MCOLN3: variants seen among roughly 807,000 people sequenced by gnomAD.
MCOLN3 encodes the protein mucolipin-3.
Under a neutral mutation model 69.4 loss-of-function variants are expected in MCOLN3, and 62 were observed. The ratio of observed to expected loss-of-function variants is 0.89; its 90% CI spans 0.73 to 1.10. The LOEUF is 1.10. MCOLN3 is among the 50% of genes least tolerant of loss of function. MCOLN3 has a pLI of 0.00. For missense variants in MCOLN3, 564 were observed against 656.4 expected, an observed-to-expected ratio of 0.86 and a Z score of 1.54; for synonymous variants, 183 against 217.0, an observed-to-expected ratio of 0.84 and a Z score of 1.38.
intron 3 of MCOLN3, among the ~76,000 whole-genome samples, chr1:85,037,130 T>G (rs1342028715): frequency 6.6e-6 from 1 of 152,224 alleles, no homozygotes; most frequent in Non-Finnish European, 1.5e-5. Context: ...CACCAAGCTT[T>G]CTGTTAGCAT....
chr1:85,022,724 G>A, intron 9 of MCOLN3: 4 of 201,300 alleles, frequency 2.0e-5, no homozygotes, highest in Non-Finnish European at 3.0e-5. Context: ...AGGGAGGGAG[G>A]GAGAAGTCAT....
At chr1:85,022,253 CTT>C in intron 10 of MCOLN3, 44 bp downstream of exon 10, 1 of 1,613,804 alleles carries the variant, frequency 6.2e-7, no homozygotes. Flanking sequence ...AGTGCAATAA[CTT>C]TGAGAGAAAT....
At chr1:85,019,758 G>T (rs1162536449) in intron 12 of MCOLN3, among the ~76,000 whole-genome samples, 1 of 152,174 alleles carries the variant, frequency 6.6e-6, no homozygotes, top group Non-Finnish European at 1.5e-5. Context: ...GGACTCTCTC[G>T]AGTTGGCCCA....
At chr1:85,020,737 G>A (rs1441355832) in intron 12 of MCOLN3, among the ~76,000 whole-genome samples, 2 of 152,134 alleles carry the variant, frequency 1.3e-5, no homozygotes, top group Non-Finnish European at 2.9e-5. Flanking sequence ...TTTCTGAAAT[G>A]CCATATGTTT....
intron 3 of MCOLN3, among the ~76,000 whole-genome samples, chr1:85,040,153 A>T (rs971737822): frequency 3.9e-5 from 6 of 152,154 alleles, no homozygotes; most frequent in African/African-American, 1.4e-4. Context: ...TGAACAGTTT[A>T]TGTAACTTAT....
At chr1:85,036,172 A>G (rs1652793462) in intron 3 of MCOLN3, among the ~76,000 whole-genome samples, 1 of 152,130 alleles carries the variant, frequency 6.6e-6, no homozygotes, top group Non-Finnish European at 1.5e-5. Flanking sequence ...AAAGTGCCTG[A>G]TACATAATAG....
chr1:85,022,121 G>A lies in MCOLN3; in HGVS notation c.1269C>T (p.Tyr423=), dbSNP rs1442550516. Residue 423 remains tyrosine, a synonymous_variant, in exon 11 of 13, where the codon TAC becomes TAT. Coordinates refer to ENST00000370589, the MANE Select transcript of MCOLN3 (RefSeq NM_018298.11). The part of the protein sequence containing the change: ...IRFCCCAAMI[Y]LGYCFCGWIV... ...TCCATCCACAGAAGCAGTAACCTAA[G>A]TAAATCATAGCTGCACAGCAGCAGA... is the stretch of plus-strand genomic sequence containing the variant. 2 of 1,614,034 alleles carry A rather than the reference G, an allele frequency of 1.2e-6. No individual in the cohort carries two copies. The highest frequency in any genetic ancestry group is 2.7e-5 in the African/African-American group (2 of 74,928).
intron 3 of MCOLN3, among the ~76,000 whole-genome samples, chr1:85,038,852 G>A (rs534565333): frequency 6.6e-6 from 1 of 152,088 alleles, no homozygotes; most frequent in Admixed American, 6.6e-5. Context: ...AAAATTAGCT[G>A]GGGGTAGTGA....
intron 11 of MCOLN3, 123 bp downstream of exon 11, chr1:85,021,947 T>C: frequency 8.1e-7 from 1 of 1,232,640 alleles, no homozygotes; most frequent in Non-Finnish European, 1.1e-6. Flanking sequence ...GCACTAGATA[T>C]ACTACCTTCA....
At chr1:85,030,413 C>T (rs975278669) in intron 6 of MCOLN3, among the ~76,000 whole-genome samples, 1 of 152,020 alleles carries the variant, frequency 6.6e-6, no homozygotes, top group Admixed American at 6.6e-5. Context: ...AATATAGCAA[C>T]AGAAAATATC....
Position 85,026,209 on chromosome 1 carries a change from C to T in MCOLN3, c.908G>A (p.Cys303Tyr). The T allele has an allele frequency of 1.9e-6, 3 of 1,614,060 alleles. No individual in the cohort carries two copies. Among genetic ancestry groups the T allele is most frequent in the Non-Finnish European group, 2.5e-6 (3 of 1,179,958 alleles). ...ILTCLVSLIL[C>Y]IRSVIRGLQL... ...AAGTCCTCTAATCACAGATCTAATG[C>T]AGAGGATTAATGAAACCAAGCAAGT... The change falls in exon 8 of 13, where the codon TGC (cysteine) becomes TAC (tyrosine). Residue 303 changes from cysteine (C) to tyrosine (Y), a missense_variant. Physicochemically the swap from Cys to Tyr is radical, Grantham distance 194 (BLOSUM62 -2). Transcript: ENST00000370589.
intron 3 of MCOLN3, among the ~76,000 whole-genome samples, chr1:85,037,383 G>A (rs1466664635): frequency 6.6e-6 from 1 of 152,124 alleles, no homozygotes; most frequent in African/African-American, 2.4e-5. Context: ...AGCTGTGATG[G>A]GGCCTACAAC....
At chr1:85,043,649 C>A (rs188276126) in intron 2 of MCOLN3, among the ~76,000 whole-genome samples, 223 of 152,180 alleles carry the variant, frequency 1.5e-3, no homozygotes, top group Middle Eastern at 3.4e-3. Flanking sequence ...TCAATTGATA[C>A]AGGCTTTTCT....
rs1028924745 is a variant in MCOLN3, at chr1:85,018,255, T to C, written c.*868A>G. 8 of 152,238 alleles carry C rather than the reference T, an allele frequency of 5.3e-5. No homozygotes were observed. Among genetic ancestry groups the C allele is most frequent in the Non-Finnish European group, 8.8e-5 (6 of 68,046 alleles). The allele number at this position is 152,238 out of a possible 1,614,324, so 9.4% of individuals were successfully genotyped here. A position where few individuals can be genotyped will look rare whatever the true frequency, so the allele number is the denominator to read the frequency against. On this transcript the variant is annotated 3_prime_UTR_variant, in exon 13 of 13. Transcript: ENST00000370589. ...GCTTTCATAACCAAATACAGTCATA[T>C]GCTGGATAACGATGTTTTGGTCAAT... is the stretch of plus-strand genomic sequence containing the variant.
chr1:85,029,580 T>C (rs1481841797), intron 6 of MCOLN3: 2 of 160,484 alleles, frequency 1.2e-5, no homozygotes, highest in Non-Finnish European at 2.7e-5. Flanking sequence ...AGGACCTCAG[T>C]TAGGGGTAGA....
chr1:85,032,953 C>T lies in MCOLN3; in HGVS notation c.554G>A (p.Cys185Tyr). The change falls in exon 5 of 13, where the codon TGT (cysteine) becomes TAT (tyrosine). Residue 185 changes from cysteine to tyrosine, a missense_variant. Transcript: ENST00000370589. ...AGGTTCATCTGGCTCCACAAAGAAA[C>T]ACTCTGCCATAGAAAGGAACAAAAA... ...FDIDPEIETE[C>Y]FFVEPDEPFH... The T allele has an allele frequency of 6.2e-7, 1 of 1,613,886 alleles. No individual in the cohort carries two copies. Among genetic ancestry groups the T allele is most frequent in the Non-Finnish European group, 8.5e-7 (1 of 1,179,988 alleles).
chr1:85,025,607 C>T (rs905939704), intron 9 of MCOLN3: 12 of 179,502 alleles, frequency 6.7e-5, no homozygotes, highest in Non-Finnish European at 1.1e-4. Flanking sequence ...AAAAAAAACT[C>T]TTACCTTAGT....
At position 85,045,502 on chromosome 1, in the gene MCOLN3, A is replaced by G. The variant is rs892382681; in HGVS notation, c.-2-140T>C. On this transcript the variant is annotated intron_variant, in intron 1 of 12. Coordinates refer to ENST00000370589, the MANE Select transcript of MCOLN3 (RefSeq NM_018298.11). ...AATAAGCACCATTGCTCTAAACTGCATTTTAGATGTTTACAGAATCAGTTC... is the reference window on the plus strand; with the variant it reads ...AATAAGCACCATTGCTCTAAACTGCGTTTTAGATGTTTACAGAATCAGTTC... 3 of 623,098 alleles carry G rather than the reference A, an allele frequency of 4.8e-6. No homozygotes were observed. In the East Asian group the frequency reaches 8.3e-5, roughly 17 times the overall value. 38.6% of individuals were successfully genotyped at this position (623,098 alleles called of 1,614,324 possible).
intron 3 of MCOLN3, among the ~76,000 whole-genome samples, chr1:85,039,782 T>TA (rs1175365075): frequency 6.6e-6 from 1 of 151,908 alleles, no homozygotes; most frequent in Non-Finnish European, 1.5e-5. Flanking sequence ...CCTGTCTCTA[T>TA]AAAAAAAATT....
Sources: allele counts gnomAD v4.1 joint callset (sites outside exome capture counted in the v4.1 genomes callset), GRCh38; gene constraint gnomAD v4.1.1; transcripts MANE v1.5; gene names NCBI Gene and HGNC (gene_info 2026-07-23, HGNC 2026-07-21).